Variants in ZNF600 observed in about 807,000 individuals in gnomAD.
ZNF600 encodes zinc finger protein KR-ZNF1.
A neutral mutation model predicts 7.3 loss-of-function variants in ZNF600; 4 were observed. That is an observed-to-expected ratio of 0.55 (90% CI 0.27 to 1.25). ZNF600 has a LOEUF of 1.25. Among genes scored for constraint, ZNF600 ranks in the 50% most tolerant of loss-of-function variants. The pLI is 0.12. For missense variants in ZNF600, 911 were observed against 922.1 expected (o/e 0.99, Z 0.16); for synonymous variants, 290 against 308.9 (o/e 0.94, Z 0.64).
upstream of ZNF600, among the ~76,000 whole-genome samples, chr19:52,788,159 C>A (rs943306059): frequency 1.3e-5 from 2 of 152,166 alleles, no homozygotes; most frequent in African/African-American, 4.8e-5. Flanking sequence ...GCTCATGTCA[C>A]TAGGTTATAG....
intron 2 of ZNF600, among the ~76,000 whole-genome samples, chr19:52,777,681 T>C (rs138086466): frequency 8.8e-4 from 134 of 151,956 alleles, no homozygotes; most frequent in African/African-American, 3.1e-3. Flanking sequence ...AATACAAAAA[T>C]TAGCTGGGTG....
At chr19:52,806,325 C>T in the ZNF600 span, among the ~76,000 whole-genome samples, 28 of 152,118 alleles carry the variant, frequency 1.8e-4, no homozygotes, top group African/African-American at 6.7e-4. Context: ...TCCTGAGTAG[C>T]TTGGATTACA....
At chr19:52,802,094 A>T in the ZNF600 span, among the ~76,000 whole-genome samples, 13 of 152,258 alleles carry the variant, frequency 8.5e-5, no homozygotes, top group Non-Finnish European at 2.9e-5. Context: ...AATGCTAAAG[A>T]ACCACACAAT....
chr19:52,813,249 G>GGAAAAAAAAAAA, the ZNF600 span, among the ~76,000 whole-genome samples: 18 of 62,988 alleles, frequency 2.9e-4, no homozygotes, highest in Admixed American at 7.1e-4. Context: ...CTTGAATGGT[G>GGAAAAAAAAAAA]AAAAAAAAAA....
At chr19:52,772,095 C>A (rs2062634492) in intron 3 of ZNF600, among the ~76,000 whole-genome samples, 1 of 152,160 alleles carries the variant, frequency 6.6e-6, no homozygotes, top group African/African-American at 2.4e-5. Context: ...GACGAATCAC[C>A]TGAGGTTGGG....
chr19:52,816,533 G>A, the ZNF600 span, among the ~76,000 whole-genome samples: 30 of 144,890 alleles, frequency 2.1e-4, 3 homozygotes, highest in Non-Finnish European at 3.4e-4. Context: ...GCATGGTGGC[G>A]GGTGCCTGTA....
chr19:52,770,678 A>C (rs769744180), intron 3 of ZNF600, among the ~76,000 whole-genome samples: 51 of 152,322 alleles, frequency 3.3e-4, no homozygotes, highest in Admixed American at 1.2e-3. Context: ...AATATGATGT[A>C]TGTTCCCTGG....
chr19:52,788,919 A>G (rs1439985077), upstream of ZNF600, among the ~76,000 whole-genome samples: 7 of 152,224 alleles, frequency 4.6e-5, no homozygotes, highest in Non-Finnish European at 2.9e-5. Context: ...TGTGAAGCCA[A>G]GTTTGAGCTC....
the ZNF600 span, chr19:52,800,195 C>T: frequency 8.1e-6 from 13 of 1,606,460 alleles, no homozygotes; most frequent in African/African-American, 4.1e-5. Context: ...CACATTTGTA[C>T]GGTTTCTCTG....
At chr19:52,832,876 A>G in the ZNF600 span, among the ~76,000 whole-genome samples, 2 of 152,000 alleles carry the variant, frequency 1.3e-5, no homozygotes, top group Admixed American at 1.3e-4. Flanking sequence ...GATTCAAGTG[A>G]TTCTCCTGCC....
chr19:52,776,956 T>A (rs1475761718), intron 2 of ZNF600, among the ~76,000 whole-genome samples: 1 of 151,900 alleles, frequency 6.6e-6, no homozygotes, highest in Non-Finnish European at 1.5e-5. Flanking sequence ...ATCACCCCAC[T>A]GCACTCCTGC....
chr19:52,802,001 T>A, the ZNF600 span, among the ~76,000 whole-genome samples: 2 of 152,068 alleles, frequency 1.3e-5, no homozygotes, highest in African/African-American at 4.8e-5. Flanking sequence ...GTATCACACT[T>A]TGCAAAAAAC....
rs959561994 is a variant in ZNF600 at position 52,781,228 on chromosome 19, T to C, written c.-19-2321A>G. ...TTCGAGTTAAAACTGAGCACTACCC[T>C]CTCCCAGAAGAAAAGTCACACACTG... On this transcript the variant is annotated intron_variant, in intron 1 of 3. Transcript: ENST00000648973. The C allele has an allele frequency of 2.6e-5, 4 of 151,586 alleles. No individual in the cohort carries two copies. The East Asian group carries it at 7.7e-4, about 29-fold the overall frequency. The allele number at this position is 151,586 out of a possible 1,614,324, so 9.4% of individuals were successfully genotyped here.
At chr19:52,817,240 C>T in the ZNF600 span, among the ~76,000 whole-genome samples, 3 of 152,092 alleles carry the variant, frequency 2.0e-5, no homozygotes, top group South Asian at 2.1e-4. Flanking sequence ...AGCATGGTGG[C>T]GCATGCTTGT....
the ZNF600 span, among the ~76,000 whole-genome samples, chr19:52,811,230 C>T: frequency 6.6e-6 from 1 of 151,482 alleles, no homozygotes; most frequent in South Asian, 2.1e-4. Flanking sequence ...GCGGCGTGAT[C>T]TCGGCTCACT....
At chr19:52,788,617 T>TC (rs1309491840), upstream of ZNF600, among the ~76,000 whole-genome samples, 1 of 152,010 alleles carries the variant, frequency 6.6e-6, no homozygotes, top group Non-Finnish European at 1.5e-5. Context: ...GAGGTCTTGC[T>TC]CCCTCCTGCA....
chr19:52,764,571 G>A (rs978580090), exon 4 of ZNF600: 2 of 148,044 alleles, frequency 1.4e-5, no homozygotes, highest in African/African-American at 5.0e-5. Flanking sequence ...AGGCCGGAGT[G>A]CAGTGGCACG....
the ZNF600 span, among the ~76,000 whole-genome samples, chr19:52,823,556 C>T: frequency 1.6e-4 from 24 of 152,260 alleles, no homozygotes; most frequent in South Asian, 4.8e-3. Context: ...CCACTGGACT[C>T]AGGTTGCATG....
intron 3 of ZNF600, among the ~76,000 whole-genome samples, chr19:52,770,037 C>G (rs1450114059): frequency 1.3e-5 from 2 of 152,138 alleles, no homozygotes; most frequent in Non-Finnish European, 2.9e-5. Flanking sequence ...AAGAAAAAAG[C>G]CACAACATCT....
Sources: allele counts gnomAD v4.1 joint callset (sites outside exome capture counted in the v4.1 genomes callset), GRCh38; gene constraint gnomAD v4.1.1; transcripts MANE v1.5; gene names NCBI Gene and HGNC (gene_info 2026-07-23, HGNC 2026-07-21).